FOXP2: variants seen among roughly 807,000 people sequenced by gnomAD.
FOXP2 encodes forkhead box P2.
Under a neutral mutation model 115.8 loss-of-function variants are expected in FOXP2, and 12 were observed. The ratio of observed to expected loss-of-function variants is 0.10; its 90% CI spans 0.07 to 0.17. The LOEUF (loss-of-function observed/expected upper bound fraction) is 0.17, where lower values mean the gene tolerates loss of function less well. FOXP2 is among the 10% of genes least tolerant of loss of function. The probability of loss-of-function intolerance (pLI) is 1.00; values close to 1 mark genes in which losing one functional copy is unlikely to be tolerated. For missense variants in FOXP2, 629 were observed against 843.5 expected (o/e 0.75, Z 3.15); for synonymous variants, 328 against 297.7 (o/e 1.10, Z -1.05).
At chr7:114,561,401 A>G (rs1800752128) in intron 3 of FOXP2, 1 of 152,150 alleles carries the variant, frequency 6.6e-6, no homozygotes. Context: ...GTGTGTGAAG[A>G]CTCACTAATT....
chr7:114,188,079 G>A (rs577189908), intron 1 of FOXP2, among the ~76,000 whole-genome samples: 25 of 152,116 alleles, frequency 1.6e-4, no homozygotes, highest in Non-Finnish European at 3.5e-4. Context: ...AGTTTCACTA[G>A]ACTGACAGAA....
At chr7:114,375,306 G>T (rs867770056) in intron 2 of FOXP2, among the ~76,000 whole-genome samples, 1 of 151,998 alleles carries the variant, frequency 6.6e-6, no homozygotes, top group Non-Finnish European at 1.5e-5. Flanking sequence ...CTTCCTCCTC[G>T]AGAGTATAAT....
At chr7:114,488,185 C>G (rs954486403) in intron 2 of FOXP2, among the ~76,000 whole-genome samples, 2 of 152,038 alleles carry the variant, frequency 1.3e-5, no homozygotes, top group African/African-American at 4.8e-5. Context: ...AATGAACTCC[C>G]CTCTATAAAA....
rs191237950 is a variant in FOXP2 at position 114,659,381 on chromosome 7, T to C, written c.1494T>C (p.Tyr498=). ...AAATTGCCCCAAACTATGAATTTTATAAAAATGCAGATGTCAGACCTCCAT... is the reference window on the plus strand; with the variant it reads ...AAATTGCCCCAAACTATGAATTTTACAAAAATGCAGATGTCAGACCTCCAT... ...SSEIAPNYEF[Y]KNADVRPPFT... is the part of the protein sequence containing the mutation. Residue 498 remains tyrosine, a synonymous_variant, in exon 12 of 17, where the codon TAT becomes TAC. Coordinates refer to ENST00000350908, the MANE Select transcript of FOXP2 (RefSeq NM_014491.4). 125 of 1,612,988 alleles carry C rather than the reference T, an allele frequency of 7.7e-5. No homozygotes were observed. In the East Asian group the frequency reaches 2.2e-3, roughly 28 times the overall value.
chr7:114,687,342 G>T (rs1236410984), intron 16 of FOXP2, among the ~76,000 whole-genome samples: 1 of 152,136 alleles, frequency 6.6e-6, no homozygotes, highest in Admixed American at 6.5e-5. Context: ...GTGCATGATT[G>T]CTGGTAATAA....
At chr7:114,360,928 C>A (rs1293713964) in intron 2 of FOXP2, among the ~76,000 whole-genome samples, 1 of 152,118 alleles carries the variant, frequency 6.6e-6, no homozygotes, top group Non-Finnish European at 1.5e-5. Context: ...AACTTAAATA[C>A]TTTATGTTCT....
upstream of FOXP2, among the ~76,000 whole-genome samples, chr7:114,161,136 G>T (rs768971444): frequency 1.1e-4 from 16 of 152,220 alleles, no homozygotes; most frequent in South Asian, 6.2e-4. Context: ...ACTTGTGCTT[G>T]AACTGCCATG....
At chr7:114,430,945 CT>C (rs1475483187) in intron 2 of FOXP2, among the ~76,000 whole-genome samples, 17 of 151,906 alleles carry the variant, frequency 1.1e-4, no homozygotes, top group Admixed American at 9.9e-4. Context: ...TGTAATTTGT[CT>C]CATGAATTGG....
At chr7:114,481,233 C>T (rs916799611) in intron 2 of FOXP2, among the ~76,000 whole-genome samples, 1 of 151,118 alleles carries the variant, frequency 6.6e-6, no homozygotes, top group African/African-American at 2.4e-5. Context: ...CTTACTTGCC[C>T]TCCTGCCCCC....
At chr7:114,168,734 C>A (rs1408565985) in intron 1 of FOXP2, among the ~76,000 whole-genome samples, 1 of 152,182 alleles carries the variant, frequency 6.6e-6, no homozygotes, top group Admixed American at 6.5e-5. Flanking sequence ...GGGAAAACGT[C>A]TCTGTGGCAT....
chr7:114,328,381 T>A (rs185176707), intron 2 of FOXP2, among the ~76,000 whole-genome samples: 2 of 151,586 alleles, frequency 1.3e-5, no homozygotes, highest in Non-Finnish European at 2.9e-5. Context: ...GGACTACAGG[T>A]GCCCGCCACC....
At chr7:114,571,804 T>A (rs1195035489) in intron 3 of FOXP2, among the ~76,000 whole-genome samples, 1 of 151,814 alleles carries the variant, frequency 6.6e-6, no homozygotes, top group African/African-American at 2.4e-5. Flanking sequence ...TATAAGGGAC[T>A]TGGGCAATTA....
At chr7:114,669,552 G>C (rs187324962) in intron 16 of FOXP2, 39 of 151,948 alleles carry the variant, frequency 2.6e-4, no homozygotes, top group Non-Finnish European at 1.5e-5. Context: ...GAGTTATATA[G>C]AATATGAATT....
intron 1 of FOXP2, among the ~76,000 whole-genome samples, chr7:114,109,626 A>T (rs140685349): frequency 8.5e-5 from 13 of 152,246 alleles, no homozygotes; most frequent in Non-Finnish European, 1.8e-4. Flanking sequence ...TATGCTTTAT[A>T]TATTAACTTT....
At chr7:114,468,245 T>C (rs927878335) in intron 2 of FOXP2, among the ~76,000 whole-genome samples, 1 of 152,192 alleles carries the variant, frequency 6.6e-6, no homozygotes, top group African/African-American at 2.4e-5. Context: ...GGAGTCATTT[T>C]TGATTTCTCA....
chr7:114,596,487 C>T (rs1458814796), intron 3 of FOXP2, among the ~76,000 whole-genome samples: 2 of 152,068 alleles, frequency 1.3e-5, no homozygotes, highest in East Asian at 3.9e-4. Context: ...GATTGTGACA[C>T]TAATCAGCCA....
At chr7:114,462,560 C>T (rs1260370482) in intron 2 of FOXP2, among the ~76,000 whole-genome samples, 2 of 151,660 alleles carry the variant, frequency 1.3e-5, no homozygotes, top group South Asian at 2.1e-4. Context: ...TGAGTAGAGA[C>T]GGGGTTTGGC....
chr7:114,436,058 AG>A lies in FOXP2; in HGVS notation c.168+9380del. Among the ~76,000 whole-genome samples, 6 of 152,326 alleles carry A rather than the reference AG, an allele frequency of 3.9e-5. 1 individual carries two copies. The highest frequency in any genetic ancestry group is 3.9e-4 in the Admixed American group (6 of 15,286). ...TGAAGCATTGGGAAAAATTTAAAAA[AG>A]CAAGGCTTGGGTTTTGAAAGGTGAT... is the stretch of plus-strand genomic sequence containing the variant. On this transcript the variant is annotated intron_variant, in intron 2 of 16. Transcript: ENST00000350908.
At chr7:114,327,748 C>T (rs995345395) in intron 2 of FOXP2, among the ~76,000 whole-genome samples, 1 of 151,946 alleles carries the variant, frequency 6.6e-6, no homozygotes, top group Non-Finnish European at 1.5e-5. Context: ...GATCTGCCAC[C>T]CTCAGCCTCC....
Sources: allele counts gnomAD v4.1 joint callset (sites outside exome capture counted in the v4.1 genomes callset), GRCh38; gene constraint gnomAD v4.1.1; transcripts MANE v1.5; gene names NCBI Gene and HGNC (gene_info 2026-07-23, HGNC 2026-07-21).